Variants in SLIT2 observed in about 807,000 individuals in gnomAD.
The protein encoded by SLIT2 is slit guidance ligand 2, also known as slit homolog 2 protein.
In SLIT2, 41 loss-of-function variants were observed where a neutral mutation model predicts 185.7. The ratio of observed to expected loss-of-function variants is 0.22; its 90% CI spans 0.17 to 0.29. The LOEUF (loss-of-function observed/expected upper bound fraction) is 0.29. Among genes scored for constraint, SLIT2 ranks in the 10% least tolerant of loss-of-function variants. The pLI is 1.00. For missense variants in SLIT2, 1,571 were observed against 1,909.0 expected, an observed-to-expected ratio of 0.82 and a Z score of 3.30; for synonymous variants, 693 against 680.2, an observed-to-expected ratio of 1.02 and a Z score of -0.29.
intron 4 of SLIT2, among the ~76,000 whole-genome samples, chr4:20,430,670 A>G (rs903798247): frequency 2.0e-5 from 3 of 152,228 alleles, no homozygotes; most frequent in Admixed American, 1.3e-4. Flanking sequence ...TAAACTACCT[A>G]GAATCATTTC....
intron 11 of SLIT2, among the ~76,000 whole-genome samples, chr4:20,515,667 A>G (rs1720135688): frequency 6.6e-6 from 1 of 152,180 alleles, no homozygotes; most frequent in African/African-American, 2.4e-5. Flanking sequence ...TATAATTTTC[A>G]AATGTATACA....
intron 29 of SLIT2, 127 bp downstream of exon 29, chr4:20,569,131 A>AC (rs1725347844): frequency 2.5e-6 from 2 of 794,076 alleles, no homozygotes; most frequent in African/African-American, 3.4e-5. Context: ...TGAAAATCAG[A>AC]TGTAATGTAA....
At chr4:20,580,409 AC>A (rs1560212162) in intron 29 of SLIT2, among the ~76,000 whole-genome samples, 1 of 90,486 alleles carries the variant, frequency 1.1e-5, no homozygotes, top group Non-Finnish European at 2.1e-5. Context: ...TATATATTAT[AC>A]GTGTGTGTGT....
chr4:20,312,589 TGG>T (rs892876908), intron 4 of SLIT2, among the ~76,000 whole-genome samples: 1 of 151,656 alleles, frequency 6.6e-6, no homozygotes, highest in African/African-American at 2.4e-5. Context: ...CTGGCCAACA[TGG>T]TGAAACCCCA....
intron 4 of SLIT2, among the ~76,000 whole-genome samples, chr4:20,317,371 T>G (rs767297604): frequency 1.6e-4 from 24 of 152,036 alleles, no homozygotes; most frequent in Non-Finnish European, 3.5e-4. Flanking sequence ...GCATTCAATC[T>G]TTAAGTAATA....
chr4:20,356,359 T>C (rs559078903), intron 4 of SLIT2, among the ~76,000 whole-genome samples: 2 of 152,258 alleles, frequency 1.3e-5, no homozygotes, highest in East Asian at 3.9e-4. Flanking sequence ...TTAATTTTAG[T>C]GTGTTTCCAT....
At chr4:20,589,598 C>A in intron 29 of SLIT2, 46 bp from the exon 30 acceptor site, 1 of 1,384,934 alleles carries the variant, frequency 7.2e-7, no homozygotes, top group Non-Finnish European at 1.0e-6. Context: ...TGGCAGGAAG[C>A]CTGTTGACCT....
At chr4:20,501,206 A>G (rs574887677) in intron 9 of SLIT2, among the ~76,000 whole-genome samples, 9 of 152,294 alleles carry the variant, frequency 5.9e-5, no homozygotes, top group African/African-American at 2.2e-4. Context: ...TTGGCTTCCT[A>G]CAGACACAGA....
intron 9 of SLIT2, among the ~76,000 whole-genome samples, chr4:20,492,678 A>G (rs1717885249): frequency 6.6e-6 from 1 of 152,208 alleles, no homozygotes; most frequent in Non-Finnish European, 1.5e-5. Context: ...TTATAGGCCA[A>G]TTCTAAATTG....
intron 23 of SLIT2, 109 bp from the exon 24 acceptor site, chr4:20,548,948 A>G (rs1489845600): frequency 1.5e-6 from 1 of 674,720 alleles, no homozygotes. Flanking sequence ...GTGTGTTAAC[A>G]CTATCAGTTA....
Position 20,322,038 on chromosome 4 carries a change from T to C in SLIT2, c.395+53157T>C, listed in dbSNP as rs1206070404. Among the ~76,000 whole-genome samples the C allele has an allele frequency of 3.3e-5, 5 of 152,306 alleles. No homozygotes were observed. The South Asian group carries it at 1.0e-3, about 32-fold the overall frequency. On this transcript the variant is annotated intron_variant, in intron 4 of 36. Coordinates refer to ENST00000504154, the MANE Select transcript of SLIT2 (RefSeq NM_004787.4). The stretch of plus-strand genomic sequence containing the variant: ...CTAACAACTCGTTGAAAGCCAGTGC[T>C]TTAGCTAAGATAGTTATAAACATAG...
chr4:20,529,164 A>T, intron 16 of SLIT2, 65 bp downstream of exon 16: 1 of 1,268,414 alleles, frequency 7.9e-7, no homozygotes. Flanking sequence ...AAGCATAAGA[A>T]TGTTTGTCTT....
At chr4:20,371,860 A>G (rs897988503) in intron 4 of SLIT2, among the ~76,000 whole-genome samples, 1 of 151,256 alleles carries the variant, frequency 6.6e-6, no homozygotes, top group Non-Finnish European at 1.5e-5. Flanking sequence ...TTTTTTTTTT[A>G]ATTTGGTGAT....
chr4:20,599,938 T>C (rs553260933), intron 33 of SLIT2, among the ~76,000 whole-genome samples: 1 of 152,322 alleles, frequency 6.6e-6, no homozygotes, highest in African/African-American at 2.4e-5. Flanking sequence ...CTTGTAGCCA[T>C]GAATGGAATT....
At chr4:20,577,305 C>T (rs1726157353) in intron 29 of SLIT2, among the ~76,000 whole-genome samples, 1 of 152,196 alleles carries the variant, frequency 6.6e-6, no homozygotes, top group African/African-American at 2.4e-5. Flanking sequence ...TTTCATACCA[C>T]TTAGAAAACA....
intron 4 of SLIT2, among the ~76,000 whole-genome samples, chr4:20,284,281 C>G (rs560910985): frequency 1.3e-5 from 2 of 152,294 alleles, no homozygotes; most frequent in South Asian, 4.1e-4. Flanking sequence ...AGCCTGGGGA[C>G]TTAAAAATGT....
intron 26 of SLIT2, among the ~76,000 whole-genome samples, chr4:20,560,973 T>C (rs1349728966): frequency 6.6e-6 from 1 of 151,860 alleles, no homozygotes; most frequent in East Asian, 1.9e-4. Flanking sequence ...TTCTAAAAAA[T>C]GGTATGGAAG....
At chr4:20,350,973 C>T (rs900433838) in intron 4 of SLIT2, among the ~76,000 whole-genome samples, 3 of 151,982 alleles carry the variant, frequency 2.0e-5, no homozygotes, top group African/African-American at 7.3e-5. Flanking sequence ...GCAGCATTGG[C>T]CATTGTTCAC....
intron 30 of SLIT2, among the ~76,000 whole-genome samples, chr4:20,591,881 T>C (rs1468664659): frequency 6.6e-6 from 1 of 152,112 alleles, no homozygotes; most frequent in East Asian, 1.9e-4. Context: ...GCAAAAAGAC[T>C]AATCCTTAAT....
Sources: allele counts gnomAD v4.1 joint callset (sites outside exome capture counted in the v4.1 genomes callset), GRCh38; gene constraint gnomAD v4.1.1; transcripts MANE v1.5; gene names NCBI Gene and HGNC (gene_info 2026-07-23, HGNC 2026-07-21).